The following NSD2 variants were observed in gnomAD, a reference collection of about 807,000 sequenced individuals.
The protein encoded by NSD2 is histone-lysine N-methyltransferase NSD2.
Under a neutral mutation model 139.0 loss-of-function variants are expected in NSD2, and 12 were observed. The observed-to-expected ratio is 0.09, with a 90% confidence interval of 0.06 to 0.14. NSD2 has a LOEUF of 0.14. Among genes scored for constraint, NSD2 ranks in the 10% least tolerant of loss-of-function variants. The pLI is 1.00. For missense variants in NSD2, 1,155 were observed against 1,745.0 expected (o/e 0.66, Z 6.02); for synonymous variants, 669 against 648.7 (o/e 1.03, Z -0.48).
At chr4:1,912,585 G>C (rs1718824818) in intron 3 of NSD2, among the ~76,000 whole-genome samples, 1 of 150,790 alleles carries the variant, frequency 6.6e-6, no homozygotes, top group African/African-American at 2.4e-5. Context: ...TATGAAGTTA[G>C]TTTCTCCTAT....
chr4:1,971,196 TA>T lies in NSD2; in HGVS notation c.3373-3658del, dbSNP rs544917790. ...CAACATAGGGAGACCCTGTCTCAATTAAAAAAAAATTGTGGCCAAAGGTATG... is the reference window on the plus strand; with the variant it reads ...CAACATAGGGAGACCCTGTCTCAATTAAAAAAAATTGTGGCCAAAGGTATG... On this transcript the variant is annotated intron_variant, in intron 18 of 21. Transcript: ENST00000508803. Among the ~76,000 whole-genome samples, 755 of 151,478 alleles carry T rather than the reference TA, an allele frequency of 5.0e-3. 4 individuals carry two copies. The highest frequency in any genetic ancestry group is 7.3e-3 in the Non-Finnish European group (493 of 67,798).
At chr4:1,968,504 G>C (rs1020107344) in intron 18 of NSD2, among the ~76,000 whole-genome samples, 1 of 152,170 alleles carries the variant, frequency 6.6e-6, no homozygotes, top group Non-Finnish European at 1.5e-5. Flanking sequence ...ACTGCTAAAT[G>C]AATAGAAGTG....
chr4:1,883,873 G>A (rs757610283), intron 1 of NSD2, among the ~76,000 whole-genome samples: 6 of 152,190 alleles, frequency 3.9e-5, no homozygotes, highest in Non-Finnish European at 5.9e-5. Context: ...CAGGAGCTGC[G>A]TTGCTGCCTC....
At chr4:1,959,819 G>GT in intron 17 of NSD2, 79 bp downstream of exon 17, 2 of 1,554,810 alleles carry the variant, frequency 1.3e-6, no homozygotes, top group Non-Finnish European at 1.7e-6. Context: ...GCTTGTGGTG[G>GT]TTTTGTAGTC....
chr4:1,882,747 C>T (rs1714800042), intron 1 of NSD2, among the ~76,000 whole-genome samples: 4 of 152,208 alleles, frequency 2.6e-5, no homozygotes, highest in Admixed American at 1.3e-4. Flanking sequence ...ATAACCTAGT[C>T]TCCAGTGGTT....
chr4:1,888,410 CAAAAAAAAAAAA>C (rs61397233), intron 1 of NSD2, among the ~76,000 whole-genome samples: 2 of 53,232 alleles, frequency 3.8e-5, no homozygotes, highest in East Asian at 6.8e-4. Flanking sequence ...GAGATTGCCT[CAAAAAAAAAAAA>C]AAAAAAAAAA....
intron 2 of NSD2, among the ~76,000 whole-genome samples, chr4:1,903,163 C>T (rs949853811): frequency 6.6e-5 from 10 of 152,302 alleles, no homozygotes; most frequent in Admixed American, 1.3e-4. Context: ...TTTGGGCCGG[C>T]CTCTTCAGCT....
chr4:1,926,150 ATTT>A lies in NSD2; in HGVS notation c.1411-4455_1411-4453del, dbSNP rs35448464. Among the ~76,000 whole-genome samples the A allele has an allele frequency of 1.6e-4, 19 of 121,516 alleles. No individual in the cohort carries two copies. In the South Asian group the frequency reaches 3.6e-3, roughly 23 times the overall value. 79.7% of individuals were successfully genotyped at this position (121,516 alleles called of 152,430 possible). ...TCACTAGCAGGCTTTTTGGGCCTGA[ATTT>A]TTTTTTTTTTTTTTTTTTTTAAGAC... is the stretch of plus-strand genomic sequence containing the variant. On this transcript the variant is annotated intron_variant, in intron 5 of 21. Transcript: ENST00000508803.
intron 1 of NSD2, among the ~76,000 whole-genome samples, chr4:1,881,741 C>G (rs1484310283): frequency 6.6e-6 from 1 of 152,176 alleles, no homozygotes; most frequent in Non-Finnish European, 1.5e-5. Flanking sequence ...TTTAGAATTC[C>G]TCATCACACA....
At chr4:1,967,203 C>T (rs1044691852) in intron 18 of NSD2, among the ~76,000 whole-genome samples, 5 of 152,120 alleles carry the variant, frequency 3.3e-5, no homozygotes, top group Non-Finnish European at 1.5e-5. Context: ...CCTAGAAACA[C>T]AAACTACCAA....
At chr4:1,943,770 G>T (rs1220552236) in intron 9 of NSD2, 2 of 1,060,042 alleles carry the variant, frequency 1.9e-6, no homozygotes, top group Non-Finnish European at 2.3e-6. Flanking sequence ...AAAAAAGATG[G>T]TATAAAAATG....
chr4:1,974,976 C>G lies in NSD2; in HGVS notation c.3486C>G (p.Gly1162=). The change falls in exon 19 of 22, where the codon GGC becomes GGG. Residue 1162 remains glycine (G), a synonymous_variant. Transcript: ENST00000508803. This position sits in a 1 kb window ranked among gnomAD's most constrained non-coding sequence, Gnocchi z 4.0. The part of the protein sequence containing the change: ...KWTVNGDTRV[G]LFAVCDIPAG... Reference sequence around the variant, plus strand: ...CAGTGAATGGGGACACTCGTGTGGGCCTGTTTGCCGTCTGTGACATTCCTG... The same window carrying G: ...CAGTGAATGGGGACACTCGTGTGGGGCTGTTTGCCGTCTGTGACATTCCTG... 2 of 1,614,118 alleles carry G rather than the reference C, an allele frequency of 1.2e-6. No homozygotes were observed. The highest frequency in any genetic ancestry group is 2.2e-5 in the South Asian group (2 of 91,084).
intron 1 of NSD2, chr4:1,893,650 C>G (rs1715848275): frequency 6.7e-6 from 1 of 150,208 alleles, no homozygotes; most frequent in Non-Finnish European, 1.5e-5. Context: ...TGCCCAGGCT[C>G]AACTGATCCT....
At chr4:1,904,511 A>T in intron 3 of NSD2, 133 bp downstream of exon 3, 1 of 958,658 alleles carries the variant, frequency 1.0e-6, no homozygotes, top group Non-Finnish European at 1.5e-6. Flanking sequence ...AAAGTTAGTG[A>T]TTGATTCAAG....
At position 1,979,173 on chromosome 4, in the gene NSD2, T is replaced by TTC. The variant is rs1008186018; in HGVS notation, c.*265_*266insCT. On this transcript the variant is annotated 3_prime_UTR_variant, in exon 22 of 22. Transcript: ENST00000508803. Reference sequence around the variant, plus strand: ...CCTCAGCGTTACCGCCACACTTGAATTTCTCCGAATGTCAAGGTTCCCTCC... The same window carrying TTC: ...CCTCAGCGTTACCGCCACACTTGAATTCTTCTCCGAATGTCAAGGTTCCCTCC... 1.8e-5 allele frequency: 7 copies of TTC among 391,320 alleles called. No homozygotes were observed. The highest frequency in any genetic ancestry group is 1.2e-4 in the African/African-American group (6 of 48,514). 24.2% of individuals were successfully genotyped at this position (391,320 alleles called of 1,614,324 possible). A position where few individuals can be genotyped will look rare whatever the true frequency, so the allele number is the denominator to read the frequency against.
intron 3 of NSD2, 135 bp downstream of exon 3, chr4:1,904,513 T>C (rs868493323): frequency 1.1e-6 from 1 of 912,850 alleles, no homozygotes; most frequent in Middle Eastern, 2.6e-4. Context: ...AGTTAGTGAT[T>C]GATTCAAGTG....
chr4:1,969,931 C>T (rs1577570741), intron 18 of NSD2, among the ~76,000 whole-genome samples: 1 of 152,150 alleles, frequency 6.6e-6, no homozygotes, highest in African/African-American at 2.4e-5. Context: ...ATTTTCTAAG[C>T]AAAGCCTAAA....
intron 1 of NSD2, among the ~76,000 whole-genome samples, chr4:1,883,948 T>C (rs1296121727): frequency 2.0e-5 from 3 of 152,234 alleles, no homozygotes; most frequent in Non-Finnish European, 4.4e-5. Flanking sequence ...CACGAGAGCA[T>C]GGAGAAGCTT....
At chr4:1,941,620 T>G (rs1272804095) in intron 9 of NSD2, 24 of 1,035,048 alleles carry the variant, frequency 2.3e-5, no homozygotes, top group Non-Finnish European at 2.7e-5. Flanking sequence ...ATTAAATATG[T>G]GAAATTAATA....
Sources: allele counts gnomAD v4.1 joint callset (sites outside exome capture counted in the v4.1 genomes callset), GRCh38; gene constraint gnomAD v4.1.1; non-coding constraint Gnocchi (gnomAD v3.1); transcripts MANE v1.5; gene names NCBI Gene and HGNC (gene_info 2026-07-23, HGNC 2026-07-21).